The following LRRC4C variants were observed in gnomAD, a reference collection of about 807,000 sequenced individuals.
LRRC4C encodes the protein leucine-rich repeat-containing protein 4C.
LRRC4C carries 5 observed loss-of-function variants against 33.6 expected under a neutral mutation model. That is an observed-to-expected ratio of 0.15 (90% CI 0.08 to 0.31). The LOEUF is 0.31. Ranked by LOEUF, LRRC4C falls within the 10% of genes least tolerant of loss-of-function variation. The pLI is 1.00. For missense variants in LRRC4C, 560 were observed against 796.7 expected (o/e 0.70, Z 3.58); for synonymous variants, 329 against 302.0 (o/e 1.09, Z -0.93).
rs1393323664 is a variant in LRRC4C, at chr11:41,348,400, A to AAATAT, written c.-496+111030_-496+111031insATATT. On this transcript the variant is annotated intron_variant, in intron 1 of 6. Transcript: ENST00000528697. ...TCTGCATTTAAAAAATAATAAAATAAAAACACAAAAAATAGAGTTGTGCTG... is the reference window on the plus strand; with the variant it reads ...TCTGCATTTAAAAAATAATAAAATAAAATATAAACACAAAAAATAGAGTTGTGCTG... 3.8e-4 allele frequency among the ~76,000 whole-genome samples: 58 copies of AAATAT among 151,892 alleles called. 1 individual carries two copies. The highest frequency in any genetic ancestry group is 2.4e-3 in the Admixed American group (37 of 15,244).
chr11:40,654,778 G>C (rs140538949), intron 2 of LRRC4C, among the ~76,000 whole-genome samples: 1 of 152,238 alleles, frequency 6.6e-6, no homozygotes, highest in Non-Finnish European at 1.5e-5. Flanking sequence ...GTTTGGCTCT[G>C]TGTTCCCACC....
rs1288036914 is a variant in LRRC4C, at chr11:40,696,999, C to A, written c.-406-48721G>T. On this transcript the variant is annotated intron_variant, in intron 2 of 6. Transcript: ENST00000528697. ...TTATTGACTCTTGTGGCCTCATGGT[C>A]TCAATATTAGAATATTGAAAGAAGC... 2.0e-5 allele frequency among the ~76,000 whole-genome samples: 3 copies of A among 151,808 alleles called. No individual in the cohort carries two copies. The East Asian group carries it at 5.8e-4, about 29-fold the overall frequency.
chr11:41,448,514 C>A (rs1358018501), intron 1 of LRRC4C, among the ~76,000 whole-genome samples: 1 of 151,950 alleles, frequency 6.6e-6, no homozygotes, highest in Non-Finnish European at 1.5e-5. Context: ...CCATGTTTGC[C>A]AAGCTGGTCT....
At chr11:41,376,863 CATAG>C (rs1334660892) in intron 1 of LRRC4C, among the ~76,000 whole-genome samples, 47 of 151,828 alleles carry the variant, frequency 3.1e-4, no homozygotes, top group African/African-American at 4.8e-5. Flanking sequence ...ATACGTAGAT[CATAG>C]ATAGATAGAT....
At chr11:40,657,038 C>T (rs1316776250) in intron 2 of LRRC4C, among the ~76,000 whole-genome samples, 1 of 152,090 alleles carries the variant, frequency 6.6e-6, no homozygotes, top group African/African-American at 2.4e-5. Context: ...TACCTCCAAG[C>T]TACCAAAAAA....
At chr11:40,964,606 T>G (rs1236423526) in intron 1 of LRRC4C, among the ~76,000 whole-genome samples, 1 of 149,010 alleles carries the variant, frequency 6.7e-6, no homozygotes, top group Admixed American at 6.8e-5. Context: ...CACTTATGAG[T>G]GAGAATATGC....
chr11:40,400,640 T>A (rs1351631376), intron 3 of LRRC4C, among the ~76,000 whole-genome samples: 1 of 152,108 alleles, frequency 6.6e-6, no homozygotes, highest in Non-Finnish European at 1.5e-5. Flanking sequence ...CCAGCACTGA[T>A]GAAACTCCAG....
At chr11:41,289,412 G>A (rs1453713755) in intron 1 of LRRC4C, among the ~76,000 whole-genome samples, 1 of 152,124 alleles carries the variant, frequency 6.6e-6, no homozygotes, top group Admixed American at 6.5e-5. Flanking sequence ...GTATGTTGAA[G>A]CACTAACGGT....
At chr11:41,240,712 T>TTC (rs1237434257) in intron 1 of LRRC4C, among the ~76,000 whole-genome samples, 1 of 152,204 alleles carries the variant, frequency 6.6e-6, no homozygotes, top group Non-Finnish European at 1.5e-5. Context: ...TAAATTGGGA[T>TTC]GAATAGCATT....
intron 4 of LRRC4C, among the ~76,000 whole-genome samples, chr11:40,295,127 T>A (rs907023776): frequency 6.6e-6 from 1 of 152,198 alleles, no homozygotes; most frequent in Non-Finnish European, 1.5e-5. Flanking sequence ...CATTTCAAAT[T>A]CACTGGGTCT....
At chr11:40,821,774 A>G (rs756065207) in intron 2 of LRRC4C, among the ~76,000 whole-genome samples, 20 of 151,916 alleles carry the variant, frequency 1.3e-4, no homozygotes, top group Middle Eastern at 6.8e-3. Flanking sequence ...TAAATGTAAC[A>G]TGGTATCCTT....
intron 3 of LRRC4C, among the ~76,000 whole-genome samples, chr11:40,505,558 T>A (rs950867321): frequency 6.6e-6 from 1 of 152,260 alleles, no homozygotes; most frequent in African/African-American, 2.4e-5. Context: ...ATTTTCTCAA[T>A]TCCATATCCA....
At chr11:40,475,381 C>T (rs918999834) in intron 3 of LRRC4C, among the ~76,000 whole-genome samples, 8 of 152,050 alleles carry the variant, frequency 5.3e-5, no homozygotes, top group Non-Finnish European at 1.2e-4. Context: ...TATTCTCACT[C>T]AAAAGTGGAA....
intron 1 of LRRC4C, among the ~76,000 whole-genome samples, chr11:41,216,820 A>C (rs530567305): frequency 3.9e-5 from 6 of 152,362 alleles, no homozygotes; most frequent in Admixed American, 3.3e-4. Flanking sequence ...AAAAAGATTC[A>C]GAGTGAATTC....
chr11:40,946,169 G>A (rs1446105459), intron 1 of LRRC4C, among the ~76,000 whole-genome samples: 1 of 152,076 alleles, frequency 6.6e-6, no homozygotes, highest in Non-Finnish European at 1.5e-5. Context: ...CTCCCACTTA[G>A]AAGTGAGGAA....
At chr11:41,425,064 C>T (rs2922027) in intron 1 of LRRC4C, among the ~76,000 whole-genome samples, 144,234 of 152,164 alleles carry the variant, frequency 0.95, 68,493 homozygotes, top group East Asian at 1. Flanking sequence ...CTCATTTTCA[C>T]TGGCTGTTTC....
At chr11:40,215,834 C>T (rs1221903181) in intron 5 of LRRC4C, among the ~76,000 whole-genome samples, 1 of 152,100 alleles carries the variant, frequency 6.6e-6, no homozygotes, top group Non-Finnish European at 1.5e-5. Flanking sequence ...GAATTAAGAA[C>T]CGCTAAGAAG....
chr11:41,304,302 T>A (rs1591209825), intron 1 of LRRC4C, among the ~76,000 whole-genome samples: 1 of 91,186 alleles, frequency 1.1e-5, no homozygotes, highest in African/African-American at 4.3e-5. Context: ...TACTGGGAAG[T>A]GAGGAGCCCC....
intron 5 of LRRC4C, among the ~76,000 whole-genome samples, chr11:40,238,971 G>A (rs1865755525): frequency 6.6e-6 from 1 of 152,088 alleles, no homozygotes; most frequent in Non-Finnish European, 1.5e-5. Context: ...AAGACCTAGG[G>A]TATAAGCTGA....
Sources: allele counts gnomAD v4.1 joint callset (sites outside exome capture counted in the v4.1 genomes callset), GRCh38; gene constraint gnomAD v4.1.1; transcripts MANE v1.5; gene names NCBI Gene and HGNC (gene_info 2026-07-23, HGNC 2026-07-21).